The following ANGPT4 variants were observed in gnomAD, a reference collection of about 807,000 sequenced individuals.
ANGPT4 encodes angiopoietin 4.
A neutral mutation model predicts 53.0 loss-of-function variants in ANGPT4; 50 were observed. The observed-to-expected ratio is 0.94, with a 90% CI of 0.75 to 1.20. The LOEUF is 1.20. Among genes scored for constraint, ANGPT4 ranks in the 50% most tolerant of loss-of-function variants. ANGPT4 has a pLI of 0.00. For synonymous variants in ANGPT4, 251 were observed against 259.7 expected (o/e 0.97, Z 0.32); for missense variants, 648 against 637.1 (o/e 1.02, Z -0.18).
Position 883,698 on chromosome 20 carries a change from C to T in ANGPT4, c.835+1380G>A, listed in dbSNP as rs142437049. 3.2e-3 allele frequency among the ~76,000 whole-genome samples: 490 copies of T among 152,328 alleles called. 4 individuals are homozygous for T. The highest frequency in any genetic ancestry group is 5.5e-3 in the Admixed American group (84 of 15,312). On this transcript the variant is annotated intron_variant, in intron 4 of 8. Transcript: ENST00000381922. The stretch of plus-strand genomic sequence containing the variant: ...TGCCCAACACAACCTCCTACTCAGA[C>T]GATTGAGCAGACATTCAGCCTCATC...
In ANGPT4 at chr20:890,243, C is replaced by T. The variant is rs370322294; in HGVS notation, c.435G>A (p.Gln145=). The change falls in exon 2 of 9, where the codon CAG becomes CAA. Residue 145 remains glutamine (Q), a synonymous_variant. Coordinates refer to ENST00000381922, the MANE Select transcript of ANGPT4 (RefSeq NM_015985.4). ...GTSLLNQTTA[Q]IRKLTDMEAQ... Reference sequence around the variant, plus strand: ...CCTCCATGTCGGTCAGCTTGCGGATCTGGGCAGTGGTCTGGTTCAGGAGGC... The same window carrying T: ...CCTCCATGTCGGTCAGCTTGCGGATTTGGGCAGTGGTCTGGTTCAGGAGGC... The T allele has an allele frequency of 1.9e-6, 3 of 1,613,920 alleles. No individual in the cohort carries two copies. The highest frequency in any genetic ancestry group is 2.5e-6 in the Non-Finnish European group (3 of 1,179,964).
At chr20:913,759 T>C (rs1380551852) in intron 1 of ANGPT4, among the ~76,000 whole-genome samples, 1 of 152,180 alleles carries the variant, frequency 6.6e-6, no homozygotes, top group Non-Finnish European at 1.5e-5. Flanking sequence ...GCCAGAAAGA[T>C]GGACCATGAG....
chr20:915,227 C>A (rs931784911), intron 1 of ANGPT4, among the ~76,000 whole-genome samples: 6 of 151,706 alleles, frequency 4.0e-5, no homozygotes, highest in African/African-American at 4.9e-5. Context: ...TCCAGTGGCC[C>A]CCCCCCCAGC....
chr20:909,453 G>T (rs75694956), intron 1 of ANGPT4, among the ~76,000 whole-genome samples: 9,606 of 152,220 alleles, frequency 0.063, 389 homozygotes, highest in African/African-American at 0.094. Flanking sequence ...TAGTTACACA[G>T]CTAATAATCT....
At chr20:896,060 T>TA (rs1432987187) in intron 1 of ANGPT4, among the ~76,000 whole-genome samples, 5 of 152,016 alleles carry the variant, frequency 3.3e-5, no homozygotes, top group African/African-American at 4.8e-5. Context: ...CATACCTCAG[T>TA]AAAAAACAAC....
intron 1 of ANGPT4, among the ~76,000 whole-genome samples, chr20:893,031 A>G (rs1388360572): frequency 6.6e-6 from 1 of 151,954 alleles, no homozygotes; most frequent in African/African-American, 2.4e-5. Flanking sequence ...AGACTCCTAC[A>G]CGGCAGGGCC....
intron 8 of ANGPT4, 133 bp downstream of exon 8, chr20:874,151 T>C (rs1981063544): frequency 2.2e-6 from 3 of 1,360,328 alleles, no homozygotes; most frequent in East Asian, 4.8e-5. Context: ...GGTGAGCTTA[T>C]GGGTGGGCAA....
In ANGPT4 at chr20:873,113, C is replaced by T; in HGVS notation, c.1359G>A (p.Trp453Ter). The T allele has an allele frequency of 6.2e-7, 1 of 1,613,672 alleles. No individual in the cohort carries two copies. Among genetic ancestry groups the T allele is most frequent in the Non-Finnish European group, 8.5e-7 (1 of 1,179,934 alleles). Residue 453 changes from tryptophan (W) to a stop codon, truncating the protein, a stop_gained, in exon 9 of 9, where the codon TGG (tryptophan) becomes TGA (stop). Transcript: ENST00000381922. LOFTEE classifies it low-confidence loss of function (END_TRUNC). ...KCAQVMSGGWWFDACGLSNLN... is the reference protein window; with the variant it reads ...KCAQVMSGGW ...GGTTTGACAGGCCACAGGCGTCAAA[C>T]CACCACCCTGGTGGAAGAGGGAGGA...
In ANGPT4 at chr20:903,496, A is replaced by G. The variant is rs917815558; in HGVS notation, c.309+12410T>C. Among the ~76,000 whole-genome samples, 6 of 152,222 alleles carry G rather than the reference A, an allele frequency of 3.9e-5. No homozygotes were observed. The East Asian group carries it at 9.7e-4, about 25-fold the overall frequency. On this transcript the variant is annotated intron_variant, in intron 1 of 8. Transcript: ENST00000381922. ...TCATTGCTCCCTGGGCCCCCAGGCT[A>G]TGCTCCACACATAGCCAGTGACGTC...
chr20:897,109 C>G (rs1303704565), intron 1 of ANGPT4, among the ~76,000 whole-genome samples: 1 of 152,198 alleles, frequency 6.6e-6, no homozygotes, highest in Non-Finnish European at 1.5e-5. Context: ...ACTACCTACC[C>G]AAATCCTATA....
At chr20:885,861 G>T (rs143945192) in intron 3 of ANGPT4, among the ~76,000 whole-genome samples, 1 of 152,318 alleles carries the variant, frequency 6.6e-6, no homozygotes, top group Admixed American at 6.5e-5. Flanking sequence ...CCCATGTGTG[G>T]CAAGAGAAGA....
chr20:890,406 C>A (rs200194275), intron 1 of ANGPT4, 38 bp from the exon 2 acceptor site: 2 of 841,000 alleles, frequency 2.4e-6, no homozygotes, highest in South Asian at 2.7e-5. Flanking sequence ...GGGGGAGGGG[C>A]GGGGGAAGCC....
chr20:890,060 C>T (rs1981771603), intron 2 of ANGPT4, among the ~76,000 whole-genome samples, 153 bp downstream of exon 2: 1 of 152,144 alleles, frequency 6.6e-6, no homozygotes, highest in African/African-American at 2.4e-5. Flanking sequence ...AGTTTTATGA[C>T]AAGTTCATCA....
intron 5 of ANGPT4, among the ~76,000 whole-genome samples, chr20:880,239 G>T (rs1258021119): frequency 6.6e-6 from 1 of 152,158 alleles, no homozygotes; most frequent in African/African-American, 2.4e-5. Context: ...AGGTTAGCAG[G>T]TGTGTGAGAA....
At chr20:912,209 G>A (rs1044296085) in intron 1 of ANGPT4, among the ~76,000 whole-genome samples, 9 of 152,294 alleles carry the variant, frequency 5.9e-5, no homozygotes, top group African/African-American at 1.9e-4. Context: ...GGCAACTGGG[G>A]GAATGGCAGT....
chr20:907,285 A>G (rs1982510292), intron 1 of ANGPT4, among the ~76,000 whole-genome samples: 1 of 152,102 alleles, frequency 6.6e-6, no homozygotes, highest in Non-Finnish European at 1.5e-5. Context: ...TGGCAGGTCC[A>G]GTGTTCATCC....
rs1981329635 is a variant in ANGPT4 at position 879,887 on chromosome 20, A to T, written c.952-39T>A. On this transcript the variant is annotated intron_variant, in intron 5 of 8. Coordinates refer to ENST00000381922, the MANE Select transcript of ANGPT4 (RefSeq NM_015985.4). ...GCAAGGCACAGCTGGGAGCCCTTGG[A>T]GGTAGCCAGAGGCCAGGCCTGTGCT... The T allele has an allele frequency of 2.0e-6, 3 of 1,527,958 alleles. No homozygotes were observed. The South Asian group carries it at 3.4e-5, about 18-fold the overall frequency. 94.7% of individuals were successfully genotyped at this position (1,527,958 alleles called of 1,614,324 possible).
intron 1 of ANGPT4, among the ~76,000 whole-genome samples, chr20:893,455 T>C (rs1981925846): frequency 6.6e-6 from 1 of 152,246 alleles, no homozygotes; most frequent in African/African-American, 2.4e-5. Context: ...TTTATGCATT[T>C]CTGAGAAAGG....
intron 1 of ANGPT4, among the ~76,000 whole-genome samples, chr20:902,276 C>T (rs1166943092): frequency 6.6e-6 from 1 of 152,070 alleles, no homozygotes; most frequent in East Asian, 1.9e-4. Flanking sequence ...CTAGGAGTCC[C>T]TAACTGATGT....
Sources: allele counts gnomAD v4.1 joint callset (sites outside exome capture counted in the v4.1 genomes callset), GRCh38; gene constraint gnomAD v4.1.1; transcripts MANE v1.5; gene names NCBI Gene and HGNC (gene_info 2026-07-23, HGNC 2026-07-21).